Variants in TPCN1 observed in about 807,000 individuals in gnomAD.
TPCN1 encodes two pore segment channel 1, also known as two pore channel protein 1.
Under a neutral mutation model 108.8 loss-of-function variants are expected in TPCN1, and 52 were observed. The observed-to-expected ratio is 0.48, with a 90% CI of 0.38 to 0.60. The LOEUF is 0.60. Ranked by LOEUF, TPCN1 falls within the 20% of genes least tolerant of loss-of-function variation. TPCN1 has a pLI of 0.00. For synonymous variants in TPCN1, 446 were observed against 433.7 expected, an observed-to-expected ratio of 1.03 and a Z score of -0.35; for missense variants, 806 against 1,072.8, an observed-to-expected ratio of 0.75 and a Z score of 3.47.
Position 113,273,803 on chromosome 12 carries a change from C to A in TPCN1, c.942+135C>A. 1 of 798,572 alleles carries A rather than the reference C, an allele frequency of 1.3e-6. No homozygotes were observed. The highest frequency in any genetic ancestry group is 2.2e-6 in the Non-Finnish European group (1 of 460,394). The allele number at this position is 798,572 out of a possible 1,614,324, so 49.5% of individuals were successfully genotyped here. A position where few individuals can be genotyped will look rare whatever the true frequency, so the allele number is the denominator to read the frequency against. On this transcript the variant is annotated intron_variant, in intron 10 of 27. Coordinates refer to ENST00000335509, the MANE Select transcript of TPCN1 (RefSeq NM_017901.6). The surrounding 1 kb of genome is among the most constrained non-coding windows in gnomAD (Gnocchi z 4.0). ...ACGTTGGGGCAGGAAGTCCCAGATT[C>A]ATAGTCAGGTGCGGTGTTGCAGGGA... is the stretch of plus-strand genomic sequence containing the variant.
chr12:113,261,625 C>T (rs939555379), intron 3 of TPCN1, among the ~76,000 whole-genome samples: 14 of 151,940 alleles, frequency 9.2e-5, no homozygotes, highest in Non-Finnish European at 1.5e-4. Context: ...GATGGGGTTT[C>T]GCCATGTTGG....
Position 113,284,723 on chromosome 12 carries a change from A to C in TPCN1, c.1405A>C (p.Asn469His). Residue 469 changes from asparagine (N) to histidine (H), a missense_variant, in exon 17 of 28, where the codon AAC becomes CAC. Asn to His is a moderately conservative substitution (Grantham distance 68). Transcript: ENST00000335509. This position sits in a 1 kb window ranked among gnomAD's most constrained non-coding sequence, Gnocchi z 4.1. ...LVETFMLKGGNFFSKHVPWSY... is the reference protein window; with the variant it reads ...LVETFMLKGGHFFSKHVPWSY... ...GCTACTTCTCTGTCTTACAGGTGGGAACTTCTTCTCCAAGCACGTGCCCTG... is the reference window on the plus strand; with the variant it reads ...GCTACTTCTCTGTCTTACAGGTGGGCACTTCTTCTCCAAGCACGTGCCCTG... 1 of 1,614,118 alleles carries C rather than the reference A, an allele frequency of 6.2e-7. No homozygotes were observed.
At position 113,288,665 on chromosome 12, in the gene TPCN1, G is replaced by C; in HGVS notation, c.1707-93G>C. The C allele has an allele frequency of 6.4e-7, 1 of 1,572,194 alleles. No individual in the cohort carries two copies. The highest frequency in any genetic ancestry group is 1.2e-5 in the South Asian group (1 of 86,720). On this transcript the variant is annotated intron_variant, in intron 20 of 27. Coordinates refer to ENST00000335509, the MANE Select transcript of TPCN1 (RefSeq NM_017901.6). This position sits in a 1 kb window ranked among gnomAD's most constrained non-coding sequence, Gnocchi z 4.8. ...GTGAACCGACCAGGGGCATGGCCCT[G>C]CAGTCAGCCCCACGGGTCCGAGGAG...
rs138953873 is a variant in TPCN1, at chr12:113,228,040, A to T, written c.112+1076A>T. Among the ~76,000 whole-genome samples, 27 of 152,346 alleles carry T rather than the reference A, an allele frequency of 1.8e-4. No individual in the cohort carries two copies. The East Asian group carries it at 4.4e-3, about 25-fold the overall frequency. ...CTTGATTTTTCCCCAAGTGCCACTC[A>T]GGGATGAGAAAGCAGTGGCTCTGAT... On this transcript the variant is annotated intron_variant, in intron 2 of 27. Coordinates refer to ENST00000335509, the MANE Select transcript of TPCN1 (RefSeq NM_017901.6).
intron 25 of TPCN1, chr12:113,292,723 C>T (rs1956307302): frequency 1.9e-6 from 1 of 528,458 alleles, no homozygotes; most frequent in Middle Eastern, 5.0e-4. Context: ...GGCCCTGTAA[C>T]AGCTGCCAGC....
rs78514622 is a variant in TPCN1, at chr12:113,274,957, G to A, written c.942+1289G>A. Among the ~76,000 whole-genome samples the A allele has an allele frequency of 8.4e-3, 1,287 of 152,326 alleles. 26 individuals carry two copies. The highest frequency in any genetic ancestry group is 0.056 in the East Asian group (290 of 5,178). On this transcript the variant is annotated intron_variant, in intron 10 of 27. Transcript: ENST00000335509. ...TAGAACACGTTCTGTGAAGGAGAAC[G>A]TAAAGCCTCTGTGCTCAAAGAACTT...
chr12:113,245,422 C>T (rs1954323498), intron 2 of TPCN1, among the ~76,000 whole-genome samples: 1 of 130,280 alleles, frequency 7.7e-6, no homozygotes, highest in South Asian at 2.3e-4. Flanking sequence ...ACGGTGAAAC[C>T]CCGTCTCTAC....
Position 113,296,332 on chromosome 12 carries a change from G to C in TPCN1, c.*256G>C. On this transcript the variant is annotated 3_prime_UTR_variant, in exon 28 of 28. Transcript: ENST00000335509. ...CTTCCTACTGTGGAAGGCTCCAGAAGGCCCTTCACAAGGAGACCCCTCACC... is the reference window on the plus strand; with the variant it reads ...CTTCCTACTGTGGAAGGCTCCAGAACGCCCTTCACAAGGAGACCCCTCACC... The C allele has an allele frequency of 4.2e-6, 2 of 480,554 alleles. No homozygotes were observed. Among genetic ancestry groups the C allele is most frequent in the Non-Finnish European group, 7.3e-6 (2 of 273,112 alleles). The allele number at this position is 480,554 out of a possible 1,614,324, so 29.8% of individuals were successfully genotyped here.
rs776653006 is a variant in TPCN1, at chr12:113,226,813, C to T, written c.-40C>T. On this transcript the variant is annotated 5_prime_UTR_variant, in exon 2 of 28. Coordinates refer to ENST00000335509, the MANE Select transcript of TPCN1 (RefSeq NM_017901.6). The stretch of plus-strand genomic sequence containing the variant: ...AGCTCAAACCAGAGACTATTTCAAG[C>T]CCTGGATATCATATCCTGAGGGCCA... 1 of 1,613,846 alleles carries T rather than the reference C, an allele frequency of 6.2e-7. No homozygotes were observed. Among genetic ancestry groups the T allele is most frequent in the Non-Finnish European group, 8.5e-7 (1 of 1,179,886 alleles).
chr12:113,253,933 A>G (rs1954739787), intron 2 of TPCN1, among the ~76,000 whole-genome samples: 1 of 152,246 alleles, frequency 6.6e-6, no homozygotes, highest in South Asian at 2.1e-4. Flanking sequence ...GTTTAAAATC[A>G]TCATCTGCAT....
chr12:113,278,364 G>C lies in TPCN1; in HGVS notation c.1233+127G>C, dbSNP rs148325813. 1.9e-4 allele frequency: 166 copies of C among 860,074 alleles called. 1 individual carries two copies. The East Asian group carries it at 3.9e-3, about 20-fold the overall frequency. 53.3% of individuals were successfully genotyped at this position (860,074 alleles called of 1,614,324 possible). A position where few individuals can be genotyped will look rare whatever the true frequency, so the allele number is the denominator to read the frequency against. On this transcript the variant is annotated intron_variant, in intron 13 of 27. Transcript: ENST00000335509. ...AGCAGCTCAGCCCCCAGCTTGGCAT[G>C]GTACACTTCAGGGATCACAGGTGGC...
chr12:113,292,202 A>G (rs955821748), intron 25 of TPCN1: 8 of 496,974 alleles, frequency 1.6e-5, no homozygotes, highest in East Asian at 1.1e-4. Flanking sequence ...AGAAAAATCA[A>G]GAAGTAGAGA....
intron 2 of TPCN1, among the ~76,000 whole-genome samples, chr12:113,248,584 G>A (rs567504691): frequency 7.2e-5 from 11 of 152,302 alleles, no homozygotes; most frequent in Admixed American, 3.9e-4. Context: ...GCCAAAGATC[G>A]GGGAGGCAGA....
intron 11 of TPCN1, 54 bp downstream of exon 11, chr12:113,277,089 A>G: frequency 6.3e-7 from 1 of 1,597,732 alleles, no homozygotes; most frequent in Non-Finnish European, 8.6e-7. Context: ...TCCCTTGCCC[A>G]GAGCAGCCCC....
chr12:113,277,569 T>C (rs1955718847), intron 12 of TPCN1, among the ~76,000 whole-genome samples: 1 of 152,136 alleles, frequency 6.6e-6, no homozygotes, highest in Admixed American at 6.5e-5. Flanking sequence ...CAAATCCAAT[T>C]CAAGCTGACT....
rs1351123958 is a variant in TPCN1 at position 113,290,170 on chromosome 12, C to A, written c.1839C>A (p.Thr613=). ...VADAYRWRNH[T]VGNRTVVEEG... is the part of the protein sequence containing the mutation. ...ATGCCTACCGCTGGCGCAACCACACCGTGGGCAACAGGACCGTGGTGGAGG... is the reference window on the plus strand; with the variant it reads ...ATGCCTACCGCTGGCGCAACCACACAGTGGGCAACAGGACCGTGGTGGAGG... Residue 613 remains threonine, a synonymous_variant, in exon 22 of 28, where the codon ACC becomes ACA. Transcript: ENST00000335509. 6.2e-7 allele frequency: 1 copy of A among 1,606,840 alleles called. No individual in the cohort carries two copies. The highest frequency in any genetic ancestry group is 1.3e-5 in the African/African-American group (1 of 74,936).
chr12:113,280,348 C>T (rs1955845089), intron 15 of TPCN1, 153 bp downstream of exon 15: 2 of 561,152 alleles, frequency 3.6e-6, no homozygotes, highest in South Asian at 2.8e-5. Flanking sequence ...GAGAACATTA[C>T]CACACGCATC....
At position 113,276,856 on chromosome 12, in the gene TPCN1, C is replaced by T. The variant is rs149825180; in HGVS notation, c.943-63C>T. On this transcript the variant is annotated intron_variant, in intron 10 of 27. Transcript: ENST00000335509. The stretch of plus-strand genomic sequence containing the variant: ...TGCCTAGATGATGAACTCATACCCC[C>T]CTGCACTCCCTGCCCTAACCACTCA... The T allele has an allele frequency of 5.4e-6, 6 of 1,117,742 alleles. No individual in the cohort carries two copies. The East Asian group carries it at 9.4e-5, about 17-fold the overall frequency. 69.2% of individuals were successfully genotyped at this position (1,117,742 alleles called of 1,614,324 possible).
In TPCN1 at chr12:113,288,573, G is replaced by A; in HGVS notation, c.1707-185G>A. The stretch of plus-strand genomic sequence containing the variant: ...AAGGGGCATTTGTTCATAGCGTCCT[G>A]ACTTGAGCTGTTTTTCACCCCAGAG... On this transcript the variant is annotated intron_variant, in intron 20 of 27. Transcript: ENST00000335509. The surrounding 1 kb of genome is among the most constrained non-coding windows in gnomAD (Gnocchi z 4.8). 2 of 1,469,316 alleles carry A rather than the reference G, an allele frequency of 1.4e-6. No homozygotes were observed. The highest frequency in any genetic ancestry group is 1.8e-6 in the Non-Finnish European group (2 of 1,112,828). 91.0% of individuals were successfully genotyped at this position (1,469,316 alleles called of 1,614,324 possible).
Sources: allele counts gnomAD v4.1 joint callset (sites outside exome capture counted in the v4.1 genomes callset), GRCh38; gene constraint gnomAD v4.1.1; non-coding constraint Gnocchi (gnomAD v3.1); transcripts MANE v1.5; gene names NCBI Gene and HGNC (gene_info 2026-07-23, HGNC 2026-07-21).